ISM1: variants seen among roughly 807,000 people sequenced by gnomAD.
ISM1 encodes isthmin 1.
In ISM1, 25 loss-of-function variants were observed where a neutral mutation model predicts 46.3. The observed-to-expected ratio is 0.54, with a 90% confidence interval of 0.39 to 0.75. The LOEUF is 0.75. Among genes scored for constraint, ISM1 ranks in the 30% least tolerant of loss-of-function variants. ISM1 has a pLI of 0.00. For missense variants in ISM1, 536 were observed against 625.4 expected, an observed-to-expected ratio of 0.86 and a Z score of 1.52; for synonymous variants, 255 against 256.7, an observed-to-expected ratio of 0.99 and a Z score of 0.06.
chr20:13,246,489 G>A (rs780876868), intron 1 of ISM1, among the ~76,000 whole-genome samples: 2 of 152,270 alleles, frequency 1.3e-5, no homozygotes, highest in African/African-American at 2.4e-5. Flanking sequence ...TTATACCCAT[G>A]GCATGCAGTG....
At chr20:13,269,449 C>T (rs1002553590) in intron 1 of ISM1, among the ~76,000 whole-genome samples, 7 of 152,326 alleles carry the variant, frequency 4.6e-5, no homozygotes, top group East Asian at 3.9e-4. Flanking sequence ...AATGCCTTTT[C>T]GTGACTTTTT....
At chr20:13,231,086 C>T (rs2039583191) in intron 1 of ISM1, among the ~76,000 whole-genome samples, 1 of 152,140 alleles carries the variant, frequency 6.6e-6, no homozygotes, top group Admixed American at 6.5e-5. Flanking sequence ...ATTACTTGTT[C>T]TTTGTCTCAG....
intron 1 of ISM1, among the ~76,000 whole-genome samples, chr20:13,250,243 C>T (rs555718676): frequency 6.6e-6 from 1 of 152,254 alleles, no homozygotes; most frequent in South Asian, 2.1e-4. Flanking sequence ...TCAGATTATA[C>T]ACTGGGTACT....
chr20:13,257,064 A>T (rs2039937294), intron 1 of ISM1, among the ~76,000 whole-genome samples: 1 of 152,222 alleles, frequency 6.6e-6, no homozygotes, highest in Admixed American at 6.5e-5. Flanking sequence ...AAGTGTTTTT[A>T]CCACACAGAT....
chr20:13,263,764 G>A (rs1230322321), intron 1 of ISM1, among the ~76,000 whole-genome samples: 1 of 152,182 alleles, frequency 6.6e-6, no homozygotes, highest in Non-Finnish European at 1.5e-5. Flanking sequence ...AAGGAAACAA[G>A]CATTGTCGAT....
intron 1 of ISM1, among the ~76,000 whole-genome samples, chr20:13,233,016 T>C (rs1462846510): frequency 6.8e-6 from 1 of 145,992 alleles, no homozygotes; most frequent in Non-Finnish European, 1.5e-5. Flanking sequence ...GAAAATTCGA[T>C]GCTGGACCAA....
At position 13,299,491 on chromosome 20, in the gene ISM1, C is replaced by T; in HGVS notation, c.*32C>T. ...TGGGATGAGGTGGAGGACGCTGCCT[C>T]TGGTTCTGGAGCACACACGTGCTGC... On this transcript the variant is annotated 3_prime_UTR_variant, in exon 6 of 6. Transcript: ENST00000262487. The surrounding 1 kb of genome is among the most constrained non-coding windows in gnomAD (Gnocchi z 5.8). 1.3e-6 allele frequency: 2 copies of T among 1,568,064 alleles called. No homozygotes were observed. Among genetic ancestry groups the T allele is most frequent in the South Asian group, 2.3e-5 (2 of 87,090 alleles).
chr20:13,318,698 C>T, the ISM1 span, among the ~76,000 whole-genome samples: 5 of 152,202 alleles, frequency 3.3e-5, 1 homozygote, highest in South Asian at 4.1e-4. Flanking sequence ...CTATTCAGTG[C>T]TAATAAGAAA....
chr20:13,264,479 A>G (rs1378584768), intron 1 of ISM1, among the ~76,000 whole-genome samples: 1 of 152,164 alleles, frequency 6.6e-6, no homozygotes, highest in African/African-American at 2.4e-5. Context: ...ACTCATTTCC[A>G]TAGCTTTATC....
chr20:13,317,463 T>C, the ISM1 span, among the ~76,000 whole-genome samples: 1 of 151,344 alleles, frequency 6.6e-6, no homozygotes, highest in Non-Finnish European at 1.5e-5. Flanking sequence ...TAGGGAGAGA[T>C]AAAAGACCCA....
chr20:13,251,946 A>G (rs1248916850), intron 1 of ISM1, among the ~76,000 whole-genome samples: 1 of 151,812 alleles, frequency 6.6e-6, no homozygotes, highest in East Asian at 1.9e-4. Context: ...AGTAAGTGAG[A>G]GAGTCCAAGC....
At position 13,279,965 on chromosome 20, in the gene ISM1, G is replaced by C. The variant is rs2040220706; in HGVS notation, c.643+67G>C. On this transcript the variant is annotated intron_variant, in intron 3 of 5. Coordinates refer to ENST00000262487, the MANE Select transcript of ISM1 (RefSeq NM_080826.2). ...AAACGAGGATGATGCCTTGGACATG[G>C]AGCCAAGCAAAACCCTGCTTAGAGC... is the stretch of plus-strand genomic sequence containing the variant. 4 of 1,471,322 alleles carry C rather than the reference G, an allele frequency of 2.7e-6. No individual in the cohort carries two copies. The Admixed American group carries it at 7.8e-5, about 29-fold the overall frequency. The allele number at this position is 1,471,322 out of a possible 1,614,324, so 91.1% of individuals were successfully genotyped here.
At chr20:13,254,928 G>A (rs1283798551) in intron 1 of ISM1, among the ~76,000 whole-genome samples, 1 of 152,146 alleles carries the variant, frequency 6.6e-6, no homozygotes, top group Non-Finnish European at 1.5e-5. Context: ...CATTCATTCA[G>A]AGAGCATTTA....
At chr20:13,260,728 C>T (rs2039980068) in intron 1 of ISM1, among the ~76,000 whole-genome samples, 1 of 152,140 alleles carries the variant, frequency 6.6e-6, no homozygotes, top group South Asian at 2.1e-4. Flanking sequence ...TTCTACCTCA[C>T]CATGGTCATT....
Position 13,292,468 on chromosome 20 carries a change from G to T in ISM1, c.877+5G>T. On this transcript the variant is annotated splice_donor_5th_base_variant and intron_variant, in intron 5 of 5. Transcript: ENST00000262487. ...CCACCAAACTGTTTGAAGTTGGTAAGATTTTTTTCTTTTTTAATCCAAATA... is the reference window on the plus strand; with the variant it reads ...CCACCAAACTGTTTGAAGTTGGTAATATTTTTTTCTTTTTTAATCCAAATA... 6.4e-7 allele frequency: 1 copy of T among 1,573,386 alleles called. No homozygotes were observed. The highest frequency in any genetic ancestry group is 8.7e-7 in the Non-Finnish European group (1 of 1,155,886).
chr20:13,279,932 G>A, intron 3 of ISM1, 34 bp downstream of exon 3: 1 of 1,598,052 alleles, frequency 6.3e-7, no homozygotes, highest in Non-Finnish European at 8.6e-7. Context: ...AAAATTGGTG[G>A]GAAGAATAAA....
At chr20:13,246,272 C>CAA (rs34312426) in intron 1 of ISM1, among the ~76,000 whole-genome samples, 10 of 121,108 alleles carry the variant, frequency 8.3e-5, no homozygotes, top group South Asian at 2.7e-4. Context: ...GACTCCATCT[C>CAA]AAAAAAAAAA....
chr20:13,325,804 T>C, the ISM1 span, among the ~76,000 whole-genome samples: 23 of 152,324 alleles, frequency 1.5e-4, no homozygotes, highest in Admixed American at 5.2e-4. Flanking sequence ...AGAAAATTTT[T>C]CAAGTATAAT....
chr20:13,316,227 G>C, the ISM1 span, among the ~76,000 whole-genome samples: 6 of 151,786 alleles, frequency 4.0e-5, no homozygotes, highest in Admixed American at 3.3e-4. Context: ...AACACAATCT[G>C]CCAAAATTCA....
Sources: gnomAD v4.1 joint callset for allele counts (sites outside exome capture counted in the v4.1 genomes callset) on GRCh38, gnomAD v4.1.1 for gene constraint, Gnocchi (gnomAD v3.1) non-coding constraint, MANE v1.5 for transcripts, NCBI Gene and HGNC (gene_info 2026-07-23, HGNC 2026-07-21) for gene names.